SAMD12: variants seen among roughly 807,000 people sequenced by gnomAD.
SAMD12 encodes sterile alpha motif domain-containing protein 12.
SAMD12 carries 9 observed loss-of-function variants against 15.0 expected under a neutral mutation model. That is an observed-to-expected ratio of 0.60 (90% CI 0.36 to 1.05). SAMD12 has a LOEUF of 1.05. Among genes scored for constraint, SAMD12 ranks in the 50% least tolerant of loss-of-function variants. The pLI is 0.01. For synonymous variants in SAMD12, 86 were observed against 90.1 expected (o/e 0.96, Z 0.25); for missense variants, 230 against 234.2 (o/e 0.98, Z 0.12).
chr8:118,376,689 C>T (rs1819403214), downstream of SAMD12, among the ~76,000 whole-genome samples: 2 of 152,140 alleles, frequency 1.3e-5, no homozygotes, highest in African/African-American at 4.8e-5. Context: ...GATACTCCAT[C>T]TCTATGGATA....
At chr8:118,569,308 T>C (rs1332817484) in intron 2 of SAMD12, among the ~76,000 whole-genome samples, 1 of 152,172 alleles carries the variant, frequency 6.6e-6, no homozygotes, top group African/African-American at 2.4e-5. Flanking sequence ...TCAGGCTATA[T>C]ATATAGGATG....
intron 3 of SAMD12, among the ~76,000 whole-genome samples, chr8:118,386,593 G>A (rs744082): frequency 3.3e-5 from 5 of 152,064 alleles, no homozygotes; most frequent in Middle Eastern, 6.3e-3. Flanking sequence ...TTCTGACTAC[G>A]GCACAGGGTT....
At chr8:118,253,358 C>T (rs1172185795) in intron 4 of SAMD12, among the ~76,000 whole-genome samples, 1 of 152,180 alleles carries the variant, frequency 6.6e-6, no homozygotes, top group Non-Finnish European at 1.5e-5. Flanking sequence ...AGGGGCAATA[C>T]ATATTCTATA....
intron 2 of SAMD12, among the ~76,000 whole-genome samples, chr8:118,519,912 C>T (rs1196889230): frequency 1.3e-5 from 2 of 152,070 alleles, no homozygotes; most frequent in Admixed American, 1.3e-4. Flanking sequence ...ATAAGAGTAC[C>T]TTTAAGCTCA....
intron 2 of SAMD12, among the ~76,000 whole-genome samples, chr8:118,447,312 TTC>T (rs1822943969): frequency 6.6e-6 from 1 of 152,072 alleles, no homozygotes; most frequent in Admixed American, 6.5e-5. Context: ...TTTTTTTTTT[TTC>T]TTTTTTGAGA....
the SAMD12 span, among the ~76,000 whole-genome samples, chr8:118,164,008 A>G: frequency 6.6e-6 from 1 of 152,226 alleles, no homozygotes; most frequent in African/African-American, 2.4e-5. Context: ...TTTCTCCTCC[A>G]ACTTTACACA....
At chr8:118,317,998 A>T (rs948832393) in intron 4 of SAMD12, among the ~76,000 whole-genome samples, 22 of 152,164 alleles carry the variant, frequency 1.4e-4, no homozygotes, top group Admixed American at 6.5e-5. Context: ...TTACAATGAG[A>T]TACTACCTTG....
intron 4 of SAMD12, among the ~76,000 whole-genome samples, chr8:118,357,164 T>C (rs931967486): frequency 1.3e-5 from 2 of 152,224 alleles, no homozygotes; most frequent in African/African-American, 4.8e-5. Flanking sequence ...AAGGAATAAA[T>C]TGTTGTGATC....
rs376790896 is a variant in SAMD12 at position 118,487,761 on chromosome 8, G to A, written c.193-47800C>T. Among the ~76,000 whole-genome samples, 39 of 152,168 alleles carry A rather than the reference G, an allele frequency of 2.6e-4. 1 individual carries two copies. Among genetic ancestry groups the A allele is most frequent in the Admixed American group, 2.0e-3 (30 of 15,284 alleles). On this transcript the variant is annotated intron_variant, in intron 2 of 3. Transcript: ENST00000314727. ...AGTAACTTGCTCAGAGATAATGCAC[G>A]ACAGAATTGGGATTTGACCTCTATC...
intron 2 of SAMD12, among the ~76,000 whole-genome samples, chr8:118,486,414 TAA>T (rs34633261): frequency 7.1e-5 from 8 of 112,868 alleles, no homozygotes; most frequent in East Asian, 3.4e-4. Flanking sequence ...AGAATCCGTC[TAA>T]AAAAAAAAAA....
chr8:118,248,659 C>T (rs1391229573), intron 4 of SAMD12, among the ~76,000 whole-genome samples: 2 of 151,524 alleles, frequency 1.3e-5, no homozygotes, highest in Non-Finnish European at 2.9e-5. Context: ...AGAAGATGTA[C>T]ACCCTCTTCT....
chr8:118,355,428 G>A (rs1437130694), intron 4 of SAMD12, among the ~76,000 whole-genome samples: 2 of 152,102 alleles, frequency 1.3e-5, no homozygotes, highest in African/African-American at 2.4e-5. Context: ...TACACTGCTC[G>A]GGTGATGGGT....
Position 118,621,790 on chromosome 8 carries a change from C to T in SAMD12, c.13+14G>A, listed in dbSNP as rs779851047. On this transcript the variant is annotated intron_variant, in intron 1 of 3. Transcript: ENST00000314727. Reference sequence around the variant, plus strand: ...GTTAAGAGGGAGCTTAAAAATGCCCCAAGCGTCCCTTACCTTCCACAGCCA... The same window carrying T: ...GTTAAGAGGGAGCTTAAAAATGCCCTAAGCGTCCCTTACCTTCCACAGCCA... The T allele has an allele frequency of 3.1e-6, 5 of 1,613,892 alleles. No individual in the cohort carries two copies. Among genetic ancestry groups the T allele is most frequent in the African/African-American group, 1.3e-5 (1 of 74,916 alleles).
intron 4 of SAMD12, among the ~76,000 whole-genome samples, chr8:118,337,646 C>A (rs1046123227): frequency 4.6e-5 from 7 of 152,166 alleles, no homozygotes; most frequent in African/African-American, 1.7e-4. Context: ...ATAAACTCAG[C>A]GTGTATCCAC....
chr8:118,456,380 T>C (rs780870440), intron 2 of SAMD12, among the ~76,000 whole-genome samples: 1 of 152,236 alleles, frequency 6.6e-6, no homozygotes, highest in Non-Finnish European at 1.5e-5. Flanking sequence ...GTCTTCACTA[T>C]ATCCCTTATG....
At chr8:118,537,538 T>C (rs1586798419) in intron 2 of SAMD12, among the ~76,000 whole-genome samples, 1 of 152,256 alleles carries the variant, frequency 6.6e-6, no homozygotes, top group African/African-American at 2.4e-5. Context: ...TTCTTTCTTC[T>C]GCTCAATCAA....
At chr8:118,590,877 T>TA (rs1827570803) in intron 1 of SAMD12, among the ~76,000 whole-genome samples, 1 of 152,124 alleles carries the variant, frequency 6.6e-6, no homozygotes, top group Non-Finnish European at 1.5e-5. Context: ...ACTAAGCAAT[T>TA]ACACTTGACA....
At chr8:118,219,761 AC>A (rs1812045277) in intron 4 of SAMD12, among the ~76,000 whole-genome samples, 1 of 152,242 alleles carries the variant, frequency 6.6e-6, no homozygotes, top group Non-Finnish European at 1.5e-5. Context: ...CTGCCAAGGC[AC>A]CAGGAAGGTG....
At chr8:118,304,921 G>T (rs1025510924) in intron 4 of SAMD12, among the ~76,000 whole-genome samples, 1 of 151,416 alleles carries the variant, frequency 6.6e-6, no homozygotes, top group African/African-American at 2.4e-5. Context: ...GGCTGAGGCG[G>T]ATGCATCACT....
Sources: allele counts gnomAD v4.1 joint callset (sites outside exome capture counted in the v4.1 genomes callset), GRCh38; gene constraint gnomAD v4.1.1; transcripts MANE v1.5; gene names NCBI Gene and HGNC (gene_info 2026-07-23, HGNC 2026-07-21).